Variants in MTUS2 observed in about 807,000 individuals in gnomAD.
MTUS2 encodes microtubule-associated tumor suppressor candidate 2.
A neutral mutation model predicts 114.1 loss-of-function variants in MTUS2; 40 were observed. The ratio of observed to expected loss-of-function variants is 0.35; its 90% CI spans 0.27 to 0.46. MTUS2 has a LOEUF of 0.46. Ranked by LOEUF, MTUS2 falls within the 20% of genes least tolerant of loss-of-function variation. MTUS2 has a pLI of 1.00. For synonymous variants in MTUS2, 688 were observed against 672.0 expected, an observed-to-expected ratio of 1.02 and a Z score of -0.37; for missense variants, 1,679 against 1,705.4, an observed-to-expected ratio of 0.98 and a Z score of 0.27.
intron 2 of MTUS2, among the ~76,000 whole-genome samples, chr13:28,938,266 T>C (rs112428051): frequency 0.024 from 3,613 of 151,770 alleles, 137 homozygotes; most frequent in African/African-American, 0.08. Context: ...CCTGTAGTCC[T>C]AGCTACTCAG....
chr13:29,335,512 C>T (rs1231981380), intron 7 of MTUS2, among the ~76,000 whole-genome samples: 4 of 152,176 alleles, frequency 2.6e-5, no homozygotes, highest in Admixed American at 6.5e-5. Context: ...ACACCCTATT[C>T]GTACACTCCT....
rs191823686 is a variant in MTUS2 at position 29,456,953 on chromosome 13, T to C, written c.3184+16904T>C. Among the ~76,000 whole-genome samples the C allele has an allele frequency of 3.1e-3, 466 of 151,550 alleles. 5 individuals are homozygous for C. The highest frequency in any genetic ancestry group is 3.7e-3 in the Non-Finnish European group (252 of 67,870). On this transcript the variant is annotated intron_variant, in intron 9 of 15. Transcript: ENST00000612955. ...GAGATGGAGACCATCCTGGCTAACATGGTGAAACCCCGTCTCTACTAAAAA... is the reference window on the plus strand; with the variant it reads ...GAGATGGAGACCATCCTGGCTAACACGGTGAAACCCCGTCTCTACTAAAAA...
chr13:28,874,625 T>C (rs895880511), intron 2 of MTUS2, among the ~76,000 whole-genome samples: 2 of 152,182 alleles, frequency 1.3e-5, no homozygotes, highest in African/African-American at 4.8e-5. Flanking sequence ...GCATGGTTGC[T>C]GGCTCCCCAG....
intron 5 of MTUS2, among the ~76,000 whole-genome samples, chr13:29,233,389 G>C (rs911691868): frequency 6.6e-6 from 1 of 152,188 alleles, no homozygotes; most frequent in Non-Finnish European, 1.5e-5. Flanking sequence ...GGCATCTTGG[G>C]ACGAAGTAGG....
At chr13:28,873,245 A>G (rs1877729618) in intron 2 of MTUS2, among the ~76,000 whole-genome samples, 1 of 152,152 alleles carries the variant, frequency 6.6e-6, no homozygotes, top group South Asian at 2.1e-4. Context: ...ACCATGGGGG[A>G]AAATTTTCTT....
At chr13:29,389,286 C>CACATGTGTGTATATATGTATATATGTAT (rs1872876397) in intron 8 of MTUS2, among the ~76,000 whole-genome samples, 2 of 143,960 alleles carry the variant, frequency 1.4e-5, no homozygotes, top group Non-Finnish European at 3.0e-5. Flanking sequence ...TATATGTATA[C>CACATGTGTGTATATATGTATATATGTAT]ACATATGTGT....
At chr13:29,134,104 A>C (rs760628914) in intron 5 of MTUS2, among the ~76,000 whole-genome samples, 3 of 151,624 alleles carry the variant, frequency 2.0e-5, no homozygotes, top group Non-Finnish European at 4.4e-5. Context: ...TTTTGTCTCT[A>C]TTTATTTTCT....
chr13:28,878,241 A>ATG (rs10675732), intron 2 of MTUS2, among the ~76,000 whole-genome samples: 12,443 of 151,078 alleles, frequency 0.082, 1,681 homozygotes, highest in African/African-American at 0.28. Context: ...GTGTATATAT[A>ATG]TGTATATATG....
intron 11 of MTUS2, chr13:29,489,986 G>A (rs753395223): frequency 3.3e-5 from 5 of 152,152 alleles, no homozygotes; most frequent in Non-Finnish European, 7.3e-5. Flanking sequence ...ACATAAATCT[G>A]GTGGATTTTT....
At chr13:29,428,079 GGTGT>G (rs1468901401) in intron 8 of MTUS2, among the ~76,000 whole-genome samples, 1 of 152,104 alleles carries the variant, frequency 6.6e-6, no homozygotes, top group Non-Finnish European at 1.5e-5. Flanking sequence ...CCAGTTGAAT[GGTGT>G]GTGTATGTCA....
Position 29,505,817 on chromosome 13 carries a change from G to A in MTUS2, c.*2611G>A, listed in dbSNP as rs572764284. 3.5e-5 allele frequency: 8 copies of A among 229,826 alleles called. No individual in the cohort carries two copies. In the East Asian group the frequency reaches 4.9e-4, roughly 14 times the overall value. The allele number at this position is 229,826 out of a possible 1,614,324, so 14.2% of individuals were successfully genotyped here. ...TTCTGGCTGGATGTCAGAATGGATG[G>A]GGGTGGGGGCAGCCCTGGCCGTGAT... On this transcript the variant is annotated 3_prime_UTR_variant, in exon 16 of 16. Coordinates refer to ENST00000612955, the MANE Select transcript of MTUS2 (RefSeq NM_001033602.4).
chr13:29,226,618 A>T (rs1480514279), intron 5 of MTUS2, among the ~76,000 whole-genome samples: 4 of 152,026 alleles, frequency 2.6e-5, no homozygotes. Context: ...TAAGACTATA[A>T]AATTTAGTAG....
intron 2 of MTUS2, among the ~76,000 whole-genome samples, chr13:28,904,205 T>C (rs1006898791): frequency 1.5e-4 from 23 of 152,196 alleles, no homozygotes; most frequent in South Asian, 2.1e-4. Context: ...TCCCATTCTG[T>C]AGGTTGCCTG....
At chr13:28,942,815 G>A (rs146398443) in intron 2 of MTUS2, among the ~76,000 whole-genome samples, 49 of 152,304 alleles carry the variant, frequency 3.2e-4, no homozygotes, top group Middle Eastern at 6.8e-3. Flanking sequence ...GCAGGGAGGA[G>A]GGAAGATGGG....
intron 5 of MTUS2, among the ~76,000 whole-genome samples, chr13:29,217,268 A>G (rs1159368209): frequency 6.6e-6 from 1 of 152,128 alleles, no homozygotes; most frequent in African/African-American, 2.4e-5. Flanking sequence ...TGCTTTCTTC[A>G]TGATCCATTA....
intron 6 of MTUS2, among the ~76,000 whole-genome samples, chr13:29,299,550 GA>G (rs979895323): frequency 2.6e-5 from 4 of 152,146 alleles, no homozygotes; most frequent in African/African-American, 4.8e-5. Context: ...TAAGTGCTGT[GA>G]AAGGGAAATG....
chr13:29,051,195 T>C (rs1261477508), intron 4 of MTUS2, among the ~76,000 whole-genome samples: 1 of 151,910 alleles, frequency 6.6e-6, no homozygotes, highest in Non-Finnish European at 1.5e-5. Flanking sequence ...GAGAAAGGGG[T>C]GAAATTATTG....
intron 6 of MTUS2, among the ~76,000 whole-genome samples, chr13:29,319,582 G>A (rs147207547): frequency 5.9e-5 from 9 of 152,276 alleles, no homozygotes; most frequent in African/African-American, 2.2e-4. Flanking sequence ...CCAGGATACT[G>A]TGTAACACCA....
At chr13:29,337,492 C>A (rs1252530100) in intron 7 of MTUS2, among the ~76,000 whole-genome samples, 1 of 152,210 alleles carries the variant, frequency 6.6e-6, no homozygotes, top group African/African-American at 2.4e-5. Flanking sequence ...TCTAACCAGT[C>A]CCAATGAGAT....
Sources: allele counts gnomAD v4.1 joint callset (sites outside exome capture counted in the v4.1 genomes callset), GRCh38; gene constraint gnomAD v4.1.1; transcripts MANE v1.5; gene names NCBI Gene and HGNC (gene_info 2026-07-23, HGNC 2026-07-21).